LRMDA: variants seen among roughly 807,000 people sequenced by gnomAD.
LRMDA encodes the protein leucine rich melanocyte differentiation associated.
LRMDA carries 18 observed loss-of-function variants against 29.8 expected under a neutral mutation model. That is an observed-to-expected ratio of 0.60 (90% CI 0.42 to 0.90). The LOEUF is 0.90. Among genes scored for constraint, LRMDA ranks in the 40% least tolerant of loss-of-function variants. The probability of loss-of-function intolerance (pLI) is 0.00; values close to 1 mark genes in which losing one functional copy is unlikely to be tolerated. For synonymous variants in LRMDA, 125 were observed against 109.4 expected, an observed-to-expected ratio of 1.14 and a Z score of -0.89; for missense variants, 273 against 273.9, an observed-to-expected ratio of 1.00 and a Z score of 0.02.
chr10:75,537,353 G>T (rs1228417450), intron 2 of LRMDA, among the ~76,000 whole-genome samples: 4 of 152,146 alleles, frequency 2.6e-5, no homozygotes, highest in African/African-American at 9.7e-5. Context: ...TGGTACTTCT[G>T]GGTTTAAGTT....
chr10:76,127,424 C>G (rs899087789), intron 5 of LRMDA, among the ~76,000 whole-genome samples: 1 of 152,216 alleles, frequency 6.6e-6, no homozygotes, highest in African/African-American at 2.4e-5. Context: ...AGATGCATGG[C>G]AGGGCACTTC....
At chr10:75,616,613 A>G (rs1841105278) in intron 2 of LRMDA, among the ~76,000 whole-genome samples, 1 of 152,172 alleles carries the variant, frequency 6.6e-6, no homozygotes, top group Admixed American at 6.5e-5. Flanking sequence ...CATGTTTTGT[A>G]TTATCTTCTT....
chr10:76,326,406 T>C (rs7070940), intron 6 of LRMDA, among the ~76,000 whole-genome samples: 2,093 of 152,332 alleles, frequency 0.014, 29 homozygotes, highest in African/African-American at 0.036. Flanking sequence ...TTTCTGATCA[T>C]GTACATCACG....
intron 6 of LRMDA, among the ~76,000 whole-genome samples, chr10:76,548,464 A>AG (rs1393358608): frequency 1.3e-5 from 2 of 152,080 alleles, no homozygotes; most frequent in Non-Finnish European, 2.9e-5. Flanking sequence ...AAAAAAAAAA[A>AG]AAATGTAACC....
intron 2 of LRMDA, among the ~76,000 whole-genome samples, chr10:75,866,701 C>T (rs750588305): frequency 2.6e-5 from 4 of 152,154 alleles, no homozygotes; most frequent in African/African-American, 2.4e-5. Context: ...CACCCAGGAA[C>T]GGCCAGACAT....
intron 2 of LRMDA, among the ~76,000 whole-genome samples, chr10:75,983,364 T>C (rs1023539301): frequency 1.3e-5 from 2 of 152,200 alleles, no homozygotes; most frequent in Admixed American, 1.3e-4. Context: ...TTCCATCTCT[T>C]CTCTCGAAAC....
At chr10:75,837,479 A>G (rs1394220071) in intron 2 of LRMDA, among the ~76,000 whole-genome samples, 1 of 152,204 alleles carries the variant, frequency 6.6e-6, no homozygotes, top group Admixed American at 6.5e-5. Context: ...AATAGAATGG[A>G]CAAAAAATGG....
At chr10:75,808,060 AC>A (rs1843889657) in intron 2 of LRMDA, among the ~76,000 whole-genome samples, 1 of 152,162 alleles carries the variant, frequency 6.6e-6, no homozygotes, top group Non-Finnish European at 1.5e-5. Context: ...AGGAAAATTC[AC>A]CTTTGTCTTG....
At chr10:76,270,707 C>G (rs140442969) in intron 5 of LRMDA, 33 of 152,238 alleles carry the variant, frequency 2.2e-4, no homozygotes, top group African/African-American at 7.7e-4. Flanking sequence ...GGGCACCTTG[C>G]TTTATTCCAG....
At chr10:75,981,497 C>T (rs1262119807) in intron 2 of LRMDA, among the ~76,000 whole-genome samples, 1 of 152,136 alleles carries the variant, frequency 6.6e-6, no homozygotes, top group Admixed American at 6.5e-5. Flanking sequence ...AATAGTTACT[C>T]TTCTACTGGA....
rs1235832452 is a variant in LRMDA at position 76,313,189 on chromosome 10, G to A, written c.517-11212G>A. 7.9e-5 allele frequency among the ~76,000 whole-genome samples: 12 copies of A among 152,064 alleles called. No homozygotes were observed. In the East Asian group the frequency reaches 9.7e-4, roughly 12 times the overall value. Reference sequence around the variant, plus strand: ...AGGGGACTTAATTTCTCTGGTCCTCGGCTTCCTCATCTGTAAAACAGAACT... The same window carrying A: ...AGGGGACTTAATTTCTCTGGTCCTCAGCTTCCTCATCTGTAAAACAGAACT... On this transcript the variant is annotated intron_variant, in intron 5 of 6. Transcript: ENST00000611255.
chr10:76,055,205 T>C (rs1848594637), intron 4 of LRMDA, among the ~76,000 whole-genome samples: 1 of 150,812 alleles, frequency 6.6e-6, no homozygotes, highest in Non-Finnish European at 1.5e-5. Context: ...GAACCCAGGG[T>C]AGGAAAAGGA....
At chr10:75,960,188 G>A (rs919270350) in intron 2 of LRMDA, among the ~76,000 whole-genome samples, 2 of 152,172 alleles carry the variant, frequency 1.3e-5, no homozygotes, top group Non-Finnish European at 2.9e-5. Context: ...GATATTGGGA[G>A]GAAATCAGAG....
intron 2 of LRMDA, among the ~76,000 whole-genome samples, chr10:76,021,183 T>G (rs1208962349): frequency 2.0e-5 from 3 of 152,186 alleles, no homozygotes; most frequent in Non-Finnish European, 2.9e-5. Flanking sequence ...TAGAAGTCCT[T>G]TGGGTATTCA....
chr10:76,281,843 T>A (rs1183847194), intron 5 of LRMDA, among the ~76,000 whole-genome samples: 1 of 152,164 alleles, frequency 6.6e-6, no homozygotes, highest in Non-Finnish European at 1.5e-5. Flanking sequence ...GGGGCAGTGA[T>A]AAACAGGTCT....
chr10:76,108,581 C>T (rs143375142), intron 5 of LRMDA, among the ~76,000 whole-genome samples: 11 of 152,238 alleles, frequency 7.2e-5, no homozygotes, highest in Non-Finnish European at 1.5e-4. Context: ...TCATGTTTTT[C>T]TCTGGTTATT....
chr10:75,782,720 G>A, intron 2 of LRMDA: 1 of 1,298,174 alleles, frequency 7.7e-7, no homozygotes, highest in Non-Finnish European at 9.8e-7. Context: ...TTGTGAGATG[G>A]AGACCGGGGC....
At chr10:76,390,928 G>T (rs370162191) in intron 6 of LRMDA, among the ~76,000 whole-genome samples, 7 of 152,168 alleles carry the variant, frequency 4.6e-5, no homozygotes, top group Non-Finnish European at 1.0e-4. Flanking sequence ...GTGTATTCAC[G>T]TGGAGAGAGT....
At chr10:76,089,514 A>C (rs1000306891) in intron 5 of LRMDA, among the ~76,000 whole-genome samples, 5 of 152,194 alleles carry the variant, frequency 3.3e-5, no homozygotes, top group Non-Finnish European at 5.9e-5. Context: ...GCAGGCTTGG[A>C]ATCATGGCTC....
Sources: gnomAD v4.1 joint callset for allele counts (sites outside exome capture counted in the v4.1 genomes callset) on GRCh38, gnomAD v4.1.1 for gene constraint, MANE v1.5 for transcripts, NCBI Gene and HGNC (gene_info 2026-07-23, HGNC 2026-07-21) for gene names.